KIF17: variants seen among roughly 807,000 people sequenced by gnomAD.
KIF17 encodes kinesin family member 17.
Under a neutral mutation model 96.8 loss-of-function variants are expected in KIF17, and 80 were observed. The observed-to-expected ratio is 0.83, with a 90% CI of 0.69 to 1.00. The LOEUF is 1.00. Ranked by LOEUF, KIF17 falls within the 50% of genes least tolerant of loss-of-function variation. The probability of loss-of-function intolerance (pLI) is 0.00; values close to 1 mark genes in which losing one functional copy is unlikely to be tolerated. For missense variants in KIF17, 1,280 were observed against 1,372.9 expected, an observed-to-expected ratio of 0.93 and a Z score of 1.07; for synonymous variants, 567 against 587.5, an observed-to-expected ratio of 0.97 and a Z score of 0.51.
Position 20,690,352 on chromosome 1 carries a change from G to GGGGGGC in KIF17, c.1234-18_1234-17insGCCCCC. On this transcript the variant is annotated splice_polypyrimidine_tract_variant and intron_variant, in intron 6 of 14. Transcript: ENST00000400463. ...TTCATACTCCTGGGGGGGTGGGAGG[G>GGGGGGC]ACCAGAGGGCAGGCAGCATTTTATC... The GGGGGGC allele has an allele frequency of 1.1e-5, 5 of 451,166 alleles. No individual in the cohort carries two copies. The highest frequency in any genetic ancestry group is 2.1e-5 in the Non-Finnish European group (5 of 235,144). 27.9% of individuals were successfully genotyped at this position (451,166 alleles called of 1,614,324 possible).
rs755941254 is a variant in KIF17 at position 20,717,596 on chromosome 1, G to A, written c.111C>T (p.Cys37=). 1.9e-6 allele frequency: 3 copies of A among 1,610,920 alleles called. No homozygotes were observed. The African/African-American group carries it at 4.0e-5, about 22-fold the overall frequency. Residue 37 remains cysteine, a synonymous_variant, in exon 1 of 15, where the codon TGC becomes TGT. Coordinates refer to ENST00000400463, the MANE Select transcript of KIF17 (RefSeq NM_001122819.3). ...VVTVDCARAQ[C]CIQNPGAADE... is the part of the protein sequence containing the mutation. ...CGGCGGCGCCCGGGTTCTGGATGCAGCACTGGGCGCGCGCGCAGTCCACAG... is the reference window on the plus strand; with the variant it reads ...CGGCGGCGCCCGGGTTCTGGATGCAACACTGGGCGCGCGCGCAGTCCACAG...
Position 20,717,679 on chromosome 1 carries a change from C to T in KIF17, c.28G>A (p.Val10Met). The T allele has an allele frequency of 1.3e-6, 2 of 1,599,828 alleles. No homozygotes were observed. Among genetic ancestry groups the T allele is most frequent in the South Asian group, 2.2e-5 (2 of 90,586 alleles). The change falls in exon 1 of 15, where the codon GTG (valine) becomes ATG (methionine). Residue 10 changes from valine (V) to methionine (M), a missense_variant. Coordinates refer to ENST00000400463, the MANE Select transcript of KIF17 (RefSeq NM_001122819.3). MASEAVKVV[V>M]RCRPMNQRER... ...CGCTGGTTCATGGGACGGCAGCGCA[C>T]GACAACCTTCACCGCCTCGGAGGCC...
chr1:20,697,596 C>G (rs1000879740), intron 6 of KIF17, among the ~76,000 whole-genome samples: 3 of 152,202 alleles, frequency 2.0e-5, no homozygotes, highest in South Asian at 4.1e-4. Context: ...GACAACAAGA[C>G]GCTGTCTCAA....
rs138814527 is a variant in KIF17 at position 20,693,419 on chromosome 1, C to T, written c.1234-3084G>A. On this transcript the variant is annotated intron_variant, in intron 6 of 14. Transcript: ENST00000400463. ...AGCTGGGACCACAGGCACCCACCAC[C>T]ACACTCGGCTAATTTTTTGTATTTT... Among the ~76,000 whole-genome samples, 312 of 151,812 alleles carry T rather than the reference C, an allele frequency of 2.1e-3. 1 individual carries two copies. The highest frequency in any genetic ancestry group is 7.1e-3 in the African/African-American group (294 of 41,394).
In KIF17 at chr1:20,687,239, C is replaced by T; in HGVS notation, c.1938+149G>A. 1 of 849,506 alleles carries T rather than the reference C, an allele frequency of 1.2e-6. No homozygotes were observed. Among genetic ancestry groups the T allele is most frequent in the Non-Finnish European group, 2.0e-6 (1 of 512,698 alleles). The allele number at this position is 849,506 out of a possible 1,614,324, so 52.6% of individuals were successfully genotyped here. On this transcript the variant is annotated intron_variant, in intron 8 of 14. Coordinates refer to ENST00000400463, the MANE Select transcript of KIF17 (RefSeq NM_001122819.3). This position sits in a 1 kb window ranked among gnomAD's most constrained non-coding sequence, Gnocchi z 4.4. ...GACACCAGTGCCCCTGAGCCAGCCA[C>T]CAGTGCCAGAGCCGCAGCAGACACA...
chr1:20,662,470 A>G (rs1027836213), downstream of KIF17, among the ~76,000 whole-genome samples: 10 of 152,134 alleles, frequency 6.6e-5, no homozygotes, highest in East Asian at 1.9e-3. Flanking sequence ...ACCTCCCTCC[A>G]TACATCTTCT....
intron 4 of KIF17, 122 bp from the exon 5 acceptor site, chr1:20,705,021 A>C: frequency 1.2e-6 from 1 of 824,996 alleles, no homozygotes; most frequent in Non-Finnish European, 2.0e-6. Context: ...GCTGCACAGG[A>C]GCCCCAGGAA....
At position 20,664,453 on chromosome 1, in the gene KIF17, C is replaced by G. The variant is rs1481800306; in HGVS notation, c.*131G>C. On this transcript the variant is annotated 3_prime_UTR_variant, in exon 15 of 15. Coordinates refer to ENST00000400463, the MANE Select transcript of KIF17 (RefSeq NM_001122819.3). ...GGGAACAGGGAAGGGAATGTGTCTT[C>G]CCAGGGCTGAGGGAGCCCTCAGGCC... 6.3e-7 allele frequency: 1 copy of G among 1,580,720 alleles called. No homozygotes were observed. The highest frequency in any genetic ancestry group is 8.6e-7 in the Non-Finnish European group (1 of 1,166,964).
intron 3 of KIF17, among the ~76,000 whole-genome samples, chr1:20,710,925 G>A (rs1451569147): frequency 1.3e-5 from 2 of 152,154 alleles, no homozygotes; most frequent in Non-Finnish European, 2.9e-5. Flanking sequence ...CAGGGTTCAG[G>A]GCACAGAGAG....
Position 20,704,924 on chromosome 1 carries a change from C to T in KIF17, c.671-25G>A, listed in dbSNP as rs762986089. ...TCTGCACACAGACCAGGCAAAGTGG[C>T]GAGGGCCTCGGGTGAGCCCTATGTA... On this transcript the variant is annotated intron_variant, in intron 4 of 14. Transcript: ENST00000400463. The surrounding 1 kb of genome is among the most constrained non-coding windows in gnomAD (Gnocchi z 6.8). 31 of 1,592,848 alleles carry T rather than the reference C, an allele frequency of 1.9e-5. No individual in the cohort carries two copies. Among genetic ancestry groups the T allele is most frequent in the South Asian group, 5.5e-5 (5 of 90,960 alleles).
Position 20,717,823 on chromosome 1 carries a change from A to T in KIF17, c.-117T>A. On this transcript the variant is annotated 5_prime_UTR_variant, in exon 1 of 15. Transcript: ENST00000400463. ...GCCACGGGGGGCGGGGCCTTGAGGC[A>T]GGGGCGGGGCCGCGGCGGGGGGCGG... 9.0e-7 allele frequency: 1 copy of T among 1,109,630 alleles called. No individual in the cohort carries two copies. The allele number at this position is 1,109,630 out of a possible 1,614,324, so 68.7% of individuals were successfully genotyped here.
At chr1:20,665,219 C>CTTTTT (rs59635021) in intron 14 of KIF17, among the ~76,000 whole-genome samples, 18 of 61,254 alleles carry the variant, frequency 2.9e-4, no homozygotes, top group East Asian at 4.9e-4. Flanking sequence ...CAAATTTGCT[C>CTTTTT]TTTTTTTTTT....
At position 20,686,296 on chromosome 1, in the gene KIF17, G is replaced by T. The variant is rs564645211; in HGVS notation, c.1939-170C>A. ...AGCACAAAGGAGGGAAGAGATGAGG[G>T]AGAGAACAGGGAAGAGAGGAAACGG... On this transcript the variant is annotated intron_variant, in intron 8 of 14. Coordinates refer to ENST00000400463, the MANE Select transcript of KIF17 (RefSeq NM_001122819.3). 1.3e-4 allele frequency: 88 copies of T among 680,980 alleles called. No homozygotes were observed. The East Asian group carries it at 2.3e-3, about 18-fold the overall frequency. 42.2% of individuals were successfully genotyped at this position (680,980 alleles called of 1,614,324 possible). A position where few individuals can be genotyped will look rare whatever the true frequency, so the allele number is the denominator to read the frequency against.
At chr1:20,684,201 T>C (rs2053888090) in intron 10 of KIF17, among the ~76,000 whole-genome samples, 2 of 152,240 alleles carry the variant, frequency 1.3e-5, no homozygotes, top group South Asian at 4.1e-4. Context: ...CGCCCTGGCC[T>C]GTGGGCCCTT....
At chr1:20,665,681 G>A (rs941603721) in intron 14 of KIF17, among the ~76,000 whole-genome samples, 22 of 152,174 alleles carry the variant, frequency 1.4e-4, no homozygotes, top group African/African-American at 4.8e-4. Flanking sequence ...GATTACAAGG[G>A]TGAGCCACTG....
chr1:20,708,346 T>C (rs558857527), intron 4 of KIF17, among the ~76,000 whole-genome samples: 7 of 152,330 alleles, frequency 4.6e-5, no homozygotes, highest in African/African-American at 7.2e-5. Flanking sequence ...CCCTGGGTAG[T>C]GCAGTGGTGC....
chr1:20,662,504 T>C (rs1261956921), downstream of KIF17, among the ~76,000 whole-genome samples: 1 of 152,186 alleles, frequency 6.6e-6, no homozygotes, highest in Non-Finnish European at 1.5e-5. Context: ...TTCCTCTCCA[T>C]TCCCACTGGC....
At chr1:20,677,069 G>A (rs2053751729) in intron 11 of KIF17, among the ~76,000 whole-genome samples, 1 of 152,014 alleles carries the variant, frequency 6.6e-6, no homozygotes, top group Admixed American at 6.6e-5. Context: ...AAATTAGCCA[G>A]GCATGGTGGT....
Position 20,672,039 on chromosome 1 carries a change from T to A in KIF17, c.2621A>T (p.Tyr874Phe). 1.2e-6 allele frequency: 2 copies of A among 1,614,166 alleles called. No individual in the cohort carries two copies. Among genetic ancestry groups the A allele is most frequent in the Non-Finnish European group, 1.7e-6 (2 of 1,180,038 alleles). ...VQPLIRRDCNYSNLEKILRES... is the reference protein window; with the variant it reads ...VQPLIRRDCNFSNLEKILRES... ...ACGCAGAATCTTCTCCAGGTTGCTG[T>A]AGTTACAGTCCCTGCGAATCAGGGG... The change falls in exon 12 of 15, where the codon TAC (tyrosine) becomes TTC (phenylalanine). Residue 874 changes from tyrosine (Y) to phenylalanine (F), a missense_variant. By Grantham distance (22) the Tyr-to-Phe change is conservative. Transcript: ENST00000400463. This position sits in a 1 kb window ranked among gnomAD's most constrained non-coding sequence, Gnocchi z 4.3.
Sources: gnomAD v4.1 joint callset for allele counts (sites outside exome capture counted in the v4.1 genomes callset) on GRCh38, gnomAD v4.1.1 for gene constraint, Gnocchi (gnomAD v3.1) non-coding constraint, MANE v1.5 for transcripts, NCBI Gene and HGNC (gene_info 2026-07-23, HGNC 2026-07-21) for gene names.